The following KIF20B variants were observed in gnomAD, a reference collection of about 807,000 sequenced individuals.
KIF20B encodes kinesin family member 20B.
In KIF20B, 188 loss-of-function variants were observed where a neutral mutation model predicts 232.5. The ratio of observed to expected loss-of-function variants is 0.81; its 90% CI spans 0.72 to 0.91. KIF20B has a LOEUF of 0.91. KIF20B is among the 40% of genes least tolerant of loss of function. KIF20B has a pLI of 0.00. For missense variants in KIF20B, 2,154 were observed against 2,055.9 expected (o/e 1.05, Z -0.92); for synonymous variants, 712 against 683.0 (o/e 1.04, Z -0.66).
At position 89,757,040 on chromosome 10, in the gene KIF20B, G is replaced by GTA. The variant is rs34325599; in HGVS notation, c.4504-1637_4504-1636dup. ...ATCTCTGTTGTGTGTGTGTGTGTGT[G>GTA]TATATATATATATATATATATATAT... On this transcript the variant is annotated intron_variant, in intron 26 of 32. Coordinates refer to ENST00000371728, the MANE Select transcript of KIF20B (RefSeq NM_001284259.2). Among the ~76,000 whole-genome samples the GTA allele has an allele frequency of 9.5e-3, 1,050 of 110,700 alleles. 13 individuals carry two copies. Among genetic ancestry groups the GTA allele is most frequent in the Middle Eastern group, 0.034 (7 of 208 alleles). 72.6% of individuals were successfully genotyped at this position (110,700 alleles called of 152,430 possible).
At chr10:89,714,821 A>G (rs1240073563) in intron 7 of KIF20B, 134 bp from the exon 8 acceptor site, 10 of 603,090 alleles carry the variant, frequency 1.7e-5, no homozygotes, top group Non-Finnish European at 2.6e-5. Flanking sequence ...TTGTTCCAAA[A>G]AGTTTTTAAC....
Position 89,743,897 on chromosome 10 carries a change from T to C in KIF20B, c.4005T>C (p.Asp1335=). 6.3e-7 allele frequency: 1 copy of C among 1,590,592 alleles called. No homozygotes were observed. Among genetic ancestry groups the C allele is most frequent in the Non-Finnish European group, 8.5e-7 (1 of 1,171,940 alleles). ...KKKNQCSQEL[D]MKQRTIQQLK... ...AAAACCAGTGTTCTCAGGAATTAGATATGAAACAGCGAACCATTCAGCAAC... is the reference window on the plus strand; with the variant it reads ...AAAACCAGTGTTCTCAGGAATTAGACATGAAACAGCGAACCATTCAGCAAC... Residue 1335 remains aspartate, a synonymous_variant, in exon 22 of 33, where the codon GAT becomes GAC. Coordinates refer to ENST00000371728, the MANE Select transcript of KIF20B (RefSeq NM_001284259.2).
rs908515327 is a variant in KIF20B at position 89,772,595 on chromosome 10, A to T, written c.5243-94A>T. The T allele has an allele frequency of 1.2e-5, 9 of 737,268 alleles. No homozygotes were observed. The African/African-American group carries it at 1.4e-4, about 12-fold the overall frequency. 45.7% of individuals were successfully genotyped at this position (737,268 alleles called of 1,614,324 possible). ...TTTAGTTTGTGTATGTTCATTCTTTATTAAGGATTTCAAACCATCTTTATT... is the reference window on the plus strand; with the variant it reads ...TTTAGTTTGTGTATGTTCATTCTTTTTTAAGGATTTCAAACCATCTTTATT... On this transcript the variant is annotated intron_variant, in intron 31 of 32. Coordinates refer to ENST00000371728, the MANE Select transcript of KIF20B (RefSeq NM_001284259.2).
intron 6 of KIF20B, among the ~76,000 whole-genome samples, chr10:89,712,394 T>C (rs1842851187): frequency 6.6e-6 from 1 of 152,042 alleles, no homozygotes; most frequent in African/African-American, 2.4e-5. Context: ...TAGCTGGAAC[T>C]ACAGGGGCAT....
chr10:89,720,696 G>GTATTTATTTATT (rs199703297), intron 13 of KIF20B, among the ~76,000 whole-genome samples: 1 of 151,642 alleles, frequency 6.6e-6, no homozygotes, highest in African/African-American at 2.4e-5. Context: ...TCCAATTATA[G>GTATTTATTTATT]TATTTATTTA....
chr10:89,739,689 A>C (rs1267476445), intron 21 of KIF20B, among the ~76,000 whole-genome samples: 1 of 146,560 alleles, frequency 6.8e-6, no homozygotes. Context: ...ACTTTGAGGT[A>C]GTTACCAAAT....
intron 32 of KIF20B, 126 bp from the exon 33 acceptor site, chr10:89,773,844 TA>T: frequency 2.0e-5 from 9 of 445,098 alleles, no homozygotes; most frequent in Non-Finnish European, 2.4e-5. Flanking sequence ...GTAGTCTAAG[TA>T]AAAAAAATTC....
chr10:89,721,916 AT>A (rs1004960753), intron 13 of KIF20B, among the ~76,000 whole-genome samples: 9 of 151,934 alleles, frequency 5.9e-5, no homozygotes, highest in Non-Finnish European at 1.2e-4. Flanking sequence ...GGCATGCTTT[AT>A]TTTTTTCTTC....
intron 29 of KIF20B, among the ~76,000 whole-genome samples, chr10:89,764,192 C>T (rs972435157): frequency 6.6e-6 from 1 of 151,762 alleles, no homozygotes; most frequent in Non-Finnish European, 1.5e-5. Context: ...TGATGATTTC[C>T]AATTTCATCC....
chr10:89,707,115 T>G (rs1425031928), intron 2 of KIF20B, among the ~76,000 whole-genome samples: 1 of 152,216 alleles, frequency 6.6e-6, no homozygotes, highest in Non-Finnish European at 1.5e-5. Context: ...TCGTGTCTTT[T>G]GTCAAATATA....
Position 89,704,172 on chromosome 10 carries a change from T to A in KIF20B, c.-1-1122T>A, listed in dbSNP as rs151330748. The stretch of plus-strand genomic sequence containing the variant: ...AGAGCTATTATGCAAGGGCCATCTT[T>A]GGTTCATTTTATATAATACCTGTGG... On this transcript the variant is annotated intron_variant, in intron 1 of 32. Coordinates refer to ENST00000371728, the MANE Select transcript of KIF20B (RefSeq NM_001284259.2). Among the ~76,000 whole-genome samples, 455 of 152,314 alleles carry A rather than the reference T, an allele frequency of 3.0e-3. 3 individuals carry two copies. Among genetic ancestry groups the A allele is most frequent in the African/African-American group, 0.01 (426 of 41,574 alleles).
intron 2 of KIF20B, among the ~76,000 whole-genome samples, chr10:89,708,213 TA>T (rs1163713518): frequency 1.6e-5 from 2 of 127,570 alleles, no homozygotes; most frequent in Non-Finnish European, 3.4e-5. Flanking sequence ...GTACAATTTG[TA>T]TTTTTTTTTT....
At position 89,709,423 on chromosome 10, in the gene KIF20B, A is replaced by G. The variant is rs774649782; in HGVS notation, c.313A>G (p.Ser105Gly). 2.5e-6 allele frequency: 4 copies of G among 1,613,396 alleles called. No homozygotes were observed. In the South Asian group the frequency reaches 3.3e-5, roughly 13 times the overall value. ...QCILGRLSEK[S>G]SGQMAQKFSF... ...CATCCTTGGTCGGTTAAGTGAAAAAAGCTCAGGGCAGATGGCACAGAAATT... is the reference window on the plus strand; with the variant it reads ...CATCCTTGGTCGGTTAAGTGAAAAAGGCTCAGGGCAGATGGCACAGAAATT... The change falls in exon 4 of 33, where the codon AGC becomes GGC. Residue 105 changes from serine (S) to glycine (G), a missense_variant. Physicochemically the swap from Ser to Gly is moderately conservative, Grantham distance 56. Coordinates refer to ENST00000371728, the MANE Select transcript of KIF20B (RefSeq NM_001284259.2).
rs755542197 is a variant in KIF20B at position 89,716,463 on chromosome 10, C to G, written c.968C>G (p.Ser323Cys). Residue 323 changes from serine (S) to cysteine (C), a missense_variant, in exon 9 of 33, where the codon TCC becomes TGC. Coordinates refer to ENST00000371728, the MANE Select transcript of KIF20B (RefSeq NM_001284259.2). ...CTACAATGGATTCAAGTATCTGATT[C>G]CAAAGAAGCCTATAGACTTTTAAAA... is the stretch of plus-strand genomic sequence containing the variant. The part of the protein sequence containing the change: ...KDLQWIQVSD[S>C]KEAYRLLKLG... 1.9e-6 allele frequency: 3 copies of G among 1,557,100 alleles called. No homozygotes were observed. The highest frequency in any genetic ancestry group is 2.3e-5 in the South Asian group (2 of 85,538).
At position 89,774,305 on chromosome 10, in the gene KIF20B, G is replaced by T; in HGVS notation, c.*257G>T. 4.0e-6 allele frequency: 1 copy of T among 247,840 alleles called. No individual in the cohort carries two copies. The highest frequency in any genetic ancestry group is 7.6e-5 in the East Asian group (1 of 13,074). 15.4% of individuals were successfully genotyped at this position (247,840 alleles called of 1,614,324 possible). A position where few individuals can be genotyped will look rare whatever the true frequency, so the allele number is the denominator to read the frequency against. On this transcript the variant is annotated 3_prime_UTR_variant, in exon 33 of 33. Transcript: ENST00000371728. ...GGATCAGTGAAGATCCTAGGAAAGA[G>T]GCTGTTATTCTCATTTATTTTGCTA...
At chr10:89,710,923 T>C (rs374836780) in intron 5 of KIF20B, 38 bp from the exon 6 acceptor site, 3 of 1,528,204 alleles carry the variant, frequency 2.0e-6, no homozygotes, top group East Asian at 2.3e-5. Flanking sequence ...TCTTTCCTAG[T>C]AGACTGAGAG....
At chr10:89,772,853 C>T (rs756881655) in intron 32 of KIF20B, 22 bp downstream of exon 32, 1 of 1,592,852 alleles carries the variant, frequency 6.3e-7, no homozygotes. Flanking sequence ...TTTCTGTTTT[C>T]ATCAATGTAG....
At chr10:89,720,124 A>G (rs893676255) in intron 13 of KIF20B, among the ~76,000 whole-genome samples, 16 of 152,156 alleles carry the variant, frequency 1.1e-4, no homozygotes, top group Admixed American at 5.9e-4. Flanking sequence ...AGAGTTCCCC[A>G]GTGTTCCAAA....
intron 27 of KIF20B, 82 bp downstream of exon 27, chr10:89,758,964 T>A: frequency 1.2e-6 from 1 of 845,724 alleles, no homozygotes; most frequent in Non-Finnish European, 1.7e-6. Context: ...TAAAAAAGTG[T>A]AAGTCTCAAT....
Sources: gnomAD v4.1 joint callset for allele counts (sites outside exome capture counted in the v4.1 genomes callset) on GRCh38, gnomAD v4.1.1 for gene constraint, MANE v1.5 for transcripts, NCBI Gene and HGNC (gene_info 2026-07-23, HGNC 2026-07-21) for gene names.